The following LRRIQ3 variants were observed in gnomAD, a reference collection of about 807,000 sequenced individuals.
LRRIQ3 encodes leucine-rich repeat and IQ domain-containing protein 3.
In LRRIQ3, 75 loss-of-function variants were observed where a neutral mutation model predicts 59.3. The ratio of observed to expected loss-of-function variants is 1.26; its 90% CI spans 1.05 to 1.53. LRRIQ3 has a LOEUF of 1.53. Ranked by LOEUF, LRRIQ3 falls within the 40% of genes most tolerant of loss-of-function variation. The pLI, the probability that LRRIQ3 is intolerant of heterozygous loss-of-function variation, is 0.00. For synonymous variants in LRRIQ3, 250 were observed against 231.3 expected (o/e 1.08, Z -0.73); for missense variants, 831 against 710.0 (o/e 1.17, Z -1.94).
intron 5 of LRRIQ3, among the ~76,000 whole-genome samples, chr1:74,092,476 T>C (rs17094867): frequency 0.034 from 5,104 of 152,114 alleles, 309 homozygotes; most frequent in African/African-American, 0.12. Context: ...CAAGATATTA[T>C]AGGCTGAAGA....
chr1:74,186,141 C>A (rs1448282061), intron 1 of LRRIQ3, among the ~76,000 whole-genome samples: 2 of 150,878 alleles, frequency 1.3e-5, no homozygotes. Flanking sequence ...ATTATTCCAT[C>A]TCTTAACAGT....
chr1:74,128,849 C>T (rs1304459517), intron 4 of LRRIQ3, among the ~76,000 whole-genome samples: 1 of 152,086 alleles, frequency 6.6e-6, no homozygotes, highest in Admixed American at 6.6e-5. Flanking sequence ...AATGCTGTGG[C>T]TCTTAAAGAT....
intron 6 of LRRIQ3, among the ~76,000 whole-genome samples, chr1:74,046,851 G>T (rs970074353): frequency 5.3e-5 from 8 of 152,144 alleles, no homozygotes; most frequent in African/African-American, 1.9e-4. Context: ...ATGAGAAAAA[G>T]CTCATCATCT....
chr1:74,088,508 G>C (rs1004437244), intron 5 of LRRIQ3, among the ~76,000 whole-genome samples: 5 of 151,868 alleles, frequency 3.3e-5, no homozygotes, highest in Admixed American at 6.6e-5. Context: ...TAGAGTCCAG[G>C]AATAAATCCT....
At chr1:74,060,221 GTTCTTCTTCTTC>G (rs773201991) in intron 6 of LRRIQ3, among the ~76,000 whole-genome samples, 4 of 53,628 alleles carry the variant, frequency 7.5e-5, no homozygotes, top group African/African-American at 1.2e-4. Context: ...TCTTCTTCTT[GTTCTTCTTCTTC>G]TTCTTCTTCT....
intron 3 of LRRIQ3, chr1:74,181,942 T>C (rs1650003651): frequency 6.6e-6 from 1 of 151,828 alleles, no homozygotes; most frequent in African/African-American, 2.4e-5. Context: ...ATTGTTACTA[T>C]ATCTTGTACC....
At chr1:74,052,082 G>A (rs1357555592) in intron 6 of LRRIQ3, among the ~76,000 whole-genome samples, 4 of 151,904 alleles carry the variant, frequency 2.6e-5, no homozygotes, top group African/African-American at 4.8e-5. Context: ...GGATCATGAC[G>A]CTTCAATCTT....
chr1:74,076,501 G>T (rs1646212345), intron 5 of LRRIQ3, among the ~76,000 whole-genome samples: 1 of 152,038 alleles, frequency 6.6e-6, no homozygotes. Context: ...TTAAGAAGAA[G>T]AAAGTCAGGT....
At chr1:74,033,722 G>T (rs1653787338) in intron 7 of LRRIQ3, among the ~76,000 whole-genome samples, 1 of 151,916 alleles carries the variant, frequency 6.6e-6, no homozygotes, top group African/African-American at 2.4e-5. Context: ...GAGAGAAAAA[G>T]CTTCATAAGT....
intron 6 of LRRIQ3, among the ~76,000 whole-genome samples, chr1:74,048,399 T>C (rs573032615): frequency 3.9e-5 from 6 of 152,290 alleles, no homozygotes; most frequent in African/African-American, 1.2e-4. Flanking sequence ...ATTTGTCCAG[T>C]CTTGGGTCTC....
intron 1 of LRRIQ3, among the ~76,000 whole-genome samples, chr1:74,188,911 A>C (rs1650578226): frequency 6.6e-6 from 1 of 152,196 alleles, no homozygotes; most frequent in African/African-American, 2.4e-5. Flanking sequence ...CACTTGCAAA[A>C]CAACAAAAAA....
At chr1:74,118,845 C>T (rs1282361196) in intron 4 of LRRIQ3, among the ~76,000 whole-genome samples, 1 of 152,044 alleles carries the variant, frequency 6.6e-6, no homozygotes, top group African/African-American at 2.4e-5. Context: ...AAAATTCAGG[C>T]AGGGTTTCTA....
intron 7 of LRRIQ3, among the ~76,000 whole-genome samples, chr1:74,038,063 C>G (rs898417333): frequency 3.9e-5 from 6 of 152,184 alleles, no homozygotes; most frequent in African/African-American, 1.4e-4. Context: ...ACATTAAGCT[C>G]CCAGGGCGGG....
intron 4 of LRRIQ3, among the ~76,000 whole-genome samples, chr1:74,133,679 A>G (rs1006305760): frequency 2.5e-4 from 38 of 151,104 alleles, no homozygotes; most frequent in Admixed American, 6.6e-4. Context: ...ACTTGGACAC[A>G]AAAAGGGAAC....
At chr1:74,179,150 T>C (rs1267918443) in intron 3 of LRRIQ3, among the ~76,000 whole-genome samples, 1 of 152,074 alleles carries the variant, frequency 6.6e-6, no homozygotes, top group Non-Finnish European at 1.5e-5. Context: ...TTTAAAAAGT[T>C]ACATATATAC....
intron 4 of LRRIQ3, among the ~76,000 whole-genome samples, chr1:74,149,404 T>C (rs1198197594): frequency 6.6e-6 from 1 of 152,140 alleles, no homozygotes; most frequent in Non-Finnish European, 1.5e-5. Context: ...AGCTTGAAAA[T>C]TGTGTTTCTT....
chr1:74,121,916 T>G (rs1421822191), intron 4 of LRRIQ3, among the ~76,000 whole-genome samples: 4 of 151,986 alleles, frequency 2.6e-5, no homozygotes, highest in African/African-American at 9.7e-5. Context: ...CATGAACTCA[T>G]CATTTTTTAT....
chr1:74,193,056 T>C (rs1016040067), intron 1 of LRRIQ3, among the ~76,000 whole-genome samples: 17 of 152,160 alleles, frequency 1.1e-4, no homozygotes, highest in African/African-American at 4.1e-4. Flanking sequence ...TAAAAACCAC[T>C]ACAATTGATA....
At chr1:74,101,739 A>G (rs1646535937) in intron 5 of LRRIQ3, among the ~76,000 whole-genome samples, 1 of 152,164 alleles carries the variant, frequency 6.6e-6, no homozygotes, top group African/African-American at 2.4e-5. Flanking sequence ...ATAAAAAAGG[A>G]TGAGTTCATG....
Sources: allele counts gnomAD v4.1 joint callset (sites outside exome capture counted in the v4.1 genomes callset), GRCh38; gene constraint gnomAD v4.1.1; transcripts MANE v1.5; gene names NCBI Gene and HGNC (gene_info 2026-07-23, HGNC 2026-07-21).